The following GABPB1 variants were observed in gnomAD, a reference collection of about 807,000 sequenced individuals.
The protein encoded by GABPB1 is GA-binding protein subunit beta-1.
A neutral mutation model predicts 45.9 loss-of-function variants in GABPB1; 15 were observed. The ratio of observed to expected loss-of-function variants is 0.33; its 90% confidence interval spans 0.22 to 0.50. The LOEUF (loss-of-function observed/expected upper bound fraction) is 0.50. GABPB1 is among the 20% of genes least tolerant of loss of function. GABPB1 has a pLI of 0.98. For missense variants in GABPB1, 252 were observed against 457.5 expected (o/e 0.55, Z 4.10); for synonymous variants, 143 against 154.4 (o/e 0.93, Z 0.55).
Position 50,340,887 on chromosome 15 carries a change from C to CATATGGTTTATTACCATATGTA in GABPB1, c.-1+14097_-1+14098insTACATATGGTAATAAACCATAT, listed in dbSNP as rs1567545791. On this transcript the variant is annotated intron_variant, in intron 1 of 8. Transcript: ENST00000380877. ...TGGTTTATTACCATATGTAATATTA[C>CATATGGTTTATTACCATATGTA]ATATTACATATGGTTTATTACCATA... Among the ~76,000 whole-genome samples, 21 of 17,140 alleles carry CATATGGTTTATTACCATATGTA rather than the reference C, an allele frequency of 1.2e-3. 2 individuals carry two copies. The highest frequency in any genetic ancestry group is 5.6e-3 in the Admixed American group (7 of 1,258). 11.2% of individuals were successfully genotyped at this position (17,140 alleles called of 152,430 possible).
At chr15:50,285,719 CA>C (rs200424739) in intron 8 of GABPB1, among the ~76,000 whole-genome samples, 3 of 149,084 alleles carry the variant, frequency 2.0e-5, no homozygotes, top group South Asian at 2.1e-4. Context: ...TTTTGAACAA[CA>C]AAAAAAAAAT....
At chr15:50,314,195 A>AT (rs543031188) in intron 1 of GABPB1, among the ~76,000 whole-genome samples, 4,399 of 149,728 alleles carry the variant, frequency 0.029, 216 homozygotes, top group African/African-American at 0.099. Flanking sequence ...TTATTTATTT[A>AT]TTTTTTGAGA....
At chr15:50,284,722 TTAGA>T (rs569265394) in intron 8 of GABPB1, among the ~76,000 whole-genome samples, 5 of 152,190 alleles carry the variant, frequency 3.3e-5, no homozygotes, top group Non-Finnish European at 7.4e-5. Context: ...TAATACTTTA[TTAGA>T]TAGTTAAAGC....
chr15:50,337,116 T>TAC (rs2048172822), intron 1 of GABPB1, among the ~76,000 whole-genome samples: 1 of 7,310 alleles, frequency 1.4e-4, no homozygotes, highest in East Asian at 3.4e-3. Flanking sequence ...TATATATATA[T>TAC]ATATATATAT....
intron 1 of GABPB1, among the ~76,000 whole-genome samples, chr15:50,348,132 T>A (rs1595853944): frequency 6.6e-6 from 1 of 151,682 alleles, no homozygotes; most frequent in African/African-American, 2.4e-5. Context: ...ACAAGCTAAT[T>A]GGGTTATAGG....
chr15:50,343,020 G>A (rs895965402), intron 1 of GABPB1, among the ~76,000 whole-genome samples: 11 of 151,856 alleles, frequency 7.2e-5, no homozygotes, highest in African/African-American at 9.7e-5. Context: ...CTGCCTCAGC[G>A]TCCCGAGTAG....
chr15:50,354,293 G>C (rs1195618372), intron 1 of GABPB1: 4 of 437,260 alleles, frequency 9.1e-6, no homozygotes, highest in South Asian at 6.4e-5. Context: ...CCTTCAGAAC[G>C]GCAGGCTTCT....
At chr15:50,287,337 A>G (rs1342167000) in intron 7 of GABPB1, among the ~76,000 whole-genome samples, 1 of 152,178 alleles carries the variant, frequency 6.6e-6, no homozygotes, top group African/African-American at 2.4e-5. Context: ...ACAGAAAAAA[A>G]CTTGGTATTT....
chr15:50,329,519 GT>G (rs887776381), intron 1 of GABPB1, among the ~76,000 whole-genome samples: 2 of 152,030 alleles, frequency 1.3e-5, no homozygotes, highest in African/African-American at 4.8e-5. Flanking sequence ...AAAGGTGGGG[GT>G]TTTTTTGCAG....
Position 50,286,090 on chromosome 15 carries a change from C to G in GABPB1, c.977G>C (p.Arg326Pro), listed in dbSNP as rs778492902. Reference sequence around the variant, plus strand: ...TACTTCTATTTCTGCAGATTCCACCCGGTTTTCAATTATTTCGATACATTG... The same window carrying G: ...TACTTCTATTTCTGCAGATTCCACCGGGTTTTCAATTATTTCGATACATTG... ...KRQCIEIIEN[R>P]VESAEIEERE... The change falls in exon 8 of 9, where the codon CGG becomes CCG. Residue 326 changes from arginine to proline, a missense_variant. Physicochemically the swap from Arg to Pro is moderately radical, Grantham distance 103. Transcript: ENST00000380877. 1.9e-6 allele frequency: 3 copies of G among 1,612,368 alleles called. No homozygotes were observed. The highest frequency in any genetic ancestry group is 2.5e-6 in the Non-Finnish European group (3 of 1,179,130).
At chr15:50,299,686 A>G (rs1303243429) in intron 6 of GABPB1, among the ~76,000 whole-genome samples, 1 of 152,218 alleles carries the variant, frequency 6.6e-6, no homozygotes, top group Non-Finnish European at 1.5e-5. Flanking sequence ...GGAGCAAGCC[A>G]CCGCACCCAG....
chr15:50,318,814 T>G (rs1209623090), intron 1 of GABPB1, among the ~76,000 whole-genome samples: 2 of 152,212 alleles, frequency 1.3e-5, no homozygotes, highest in Non-Finnish European at 2.9e-5. Context: ...ACTAGACTAT[T>G]TTTCAGAAGG....
rs2140956729 is a variant in GABPB1, at chr15:50,278,719, C to A, written c.1065G>T (p.Gln355His). Residue 355 changes from glutamine to histidine, a missense_variant, in exon 9 of 9, where the codon CAG becomes CAT. Coordinates refer to ENST00000380877, the MANE Select transcript of GABPB1 (RefSeq NM_016654.5). ...CTGCTTCCTGTTCTTTCTTTAGGAG[C>A]TGCTGTCGATATTTTTGTGCTTCTC... ...ANREAQKYRQ[Q>H]LLKKEQEAEA... 1 of 1,613,592 alleles carries A rather than the reference C, an allele frequency of 6.2e-7. No homozygotes were observed. The highest frequency in any genetic ancestry group is 8.5e-7 in the Non-Finnish European group (1 of 1,179,762).
At chr15:50,279,621 G>C (rs531540175) in intron 8 of GABPB1, among the ~76,000 whole-genome samples, 1 of 152,148 alleles carries the variant, frequency 6.6e-6, no homozygotes, top group East Asian at 1.9e-4. Context: ...GAAAAACAAG[G>C]AGAAACATTT....
At chr15:50,354,820 G>A in intron 1 of GABPB1, 165 bp downstream of exon 1, 1 of 231,428 alleles carries the variant, frequency 4.3e-6, no homozygotes, top group Non-Finnish European at 8.6e-6. Context: ...CGACCCCCGC[G>A]GAATAAGCGG....
At chr15:50,328,025 G>GA (rs576183652) in intron 1 of GABPB1, among the ~76,000 whole-genome samples, 29 of 141,908 alleles carry the variant, frequency 2.0e-4, no homozygotes, top group South Asian at 1.1e-3. Flanking sequence ...ATTGTAACAG[G>GA]AAAAAAAAAA....
At chr15:50,325,567 T>C (rs577611058) in intron 1 of GABPB1, among the ~76,000 whole-genome samples, 1 of 152,308 alleles carries the variant, frequency 6.6e-6, no homozygotes, top group Non-Finnish European at 1.5e-5. Flanking sequence ...AGTCTCGCTC[T>C]GTCGCCCAAG....
chr15:50,318,114 AT>A (rs1222467976), intron 1 of GABPB1, among the ~76,000 whole-genome samples: 1 of 152,140 alleles, frequency 6.6e-6, no homozygotes, highest in African/African-American at 2.4e-5. Flanking sequence ...ACATTGTCTC[AT>A]TTTATCTAAA....
rs551759316 is a variant in GABPB1, at chr15:50,279,772, G to A, written c.1000-988C>T. 3.0e-4 allele frequency among the ~76,000 whole-genome samples: 46 copies of A among 152,290 alleles called. No homozygotes were observed. In the South Asian group the frequency reaches 9.1e-3, roughly 30 times the overall value. ...GCCCAGGACCTCTGAGTGGGGTGAA[G>A]GCCAGGGGTCGGACTATCACAAGAA... On this transcript the variant is annotated intron_variant, in intron 8 of 8. Transcript: ENST00000380877.
Sources: gnomAD v4.1 joint callset for allele counts (sites outside exome capture counted in the v4.1 genomes callset) on GRCh38, gnomAD v4.1.1 for gene constraint, MANE v1.5 for transcripts, NCBI Gene and HGNC (gene_info 2026-07-23, HGNC 2026-07-21) for gene names.